The following MAST4 variants were observed in gnomAD, a reference collection of about 807,000 sequenced individuals.
MAST4 encodes the protein microtubule associated serine/threonine kinase family member 4.
Under a neutral mutation model 162.7 loss-of-function variants are expected in MAST4, and 89 were observed. The ratio of observed to expected loss-of-function variants is 0.55; its 90% CI spans 0.46 to 0.65. The LOEUF is 0.65. Among genes scored for constraint, MAST4 ranks in the 30% least tolerant of loss-of-function variants. The probability of loss-of-function intolerance (pLI) is 0.00; values close to 1 mark genes in which losing one functional copy is unlikely to be tolerated. For synonymous variants in MAST4, 1,479 were observed against 1,361.1 expected (o/e 1.09, Z -1.91); for missense variants, 3,153 against 3,374.0 (o/e 0.93, Z 1.62).
At chr5:66,702,665 A>C (rs1749856651) in intron 1 of MAST4, among the ~76,000 whole-genome samples, 1 of 152,150 alleles carries the variant, frequency 6.6e-6, no homozygotes, top group Non-Finnish European at 1.5e-5. Context: ...CTGTGTTTGA[A>C]GATAAAGAGG....
chr5:66,921,761 A>G (rs1306432208), intron 4 of MAST4, among the ~76,000 whole-genome samples: 1 of 152,228 alleles, frequency 6.6e-6, no homozygotes, highest in African/African-American at 2.4e-5. Context: ...CCATCTCAAA[A>G]GAAAAATATG....
intron 1 of MAST4, among the ~76,000 whole-genome samples, chr5:66,661,948 T>C (rs1014784495): frequency 1.3e-5 from 2 of 152,184 alleles, no homozygotes; most frequent in African/African-American, 4.8e-5. Context: ...TAAGCTAATA[T>C]ACTTTTTGGA....
In MAST4 at chr5:66,632,918, A is replaced by T. The variant is rs551515114; in HGVS notation, c.363+35900A>T. Reference sequence around the variant, plus strand: ...TAACAGGTAAAATACACAAATACACATAATATACACACTCATGTAAATTTA... The same window carrying T: ...TAACAGGTAAAATACACAAATACACTTAATATACACACTCATGTAAATTTA... On this transcript the variant is annotated intron_variant, in intron 1 of 28. Transcript: ENST00000403625. Among the ~76,000 whole-genome samples, 3 of 152,364 alleles carry T rather than the reference A, an allele frequency of 2.0e-5. No homozygotes were observed. In the East Asian group the frequency reaches 5.8e-4, roughly 29 times the overall value.
chr5:66,681,447 G>C (rs1039524641), intron 1 of MAST4, among the ~76,000 whole-genome samples: 1 of 152,188 alleles, frequency 6.6e-6, no homozygotes, highest in Non-Finnish European at 1.5e-5. Context: ...GAGAATGCAG[G>C]TTCCTGGGCC....
chr5:67,150,057 T>TA (rs1476220394), intron 24 of MAST4, among the ~76,000 whole-genome samples: 1 of 152,364 alleles, frequency 6.6e-6, no homozygotes, highest in South Asian at 2.1e-4. Context: ...TTTCTGGAGA[T>TA]AGAGTCACAG....
intron 14 of MAST4, among the ~76,000 whole-genome samples, chr5:67,124,973 C>A (rs139927039): frequency 0.02 from 3,079 of 152,224 alleles, 37 homozygotes; most frequent in Non-Finnish European, 0.03. Context: ...TATTGCAGAG[C>A]AGTTATTTAT....
intron 1 of MAST4, among the ~76,000 whole-genome samples, chr5:66,638,277 A>G (rs975647228): frequency 1.9e-4 from 29 of 152,010 alleles, no homozygotes; most frequent in African/African-American, 7.0e-4. Flanking sequence ...GTGTAGGCAA[A>G]ATGCAGACGC....
intron 4 of MAST4, among the ~76,000 whole-genome samples, chr5:67,020,124 G>T (rs1753795938): frequency 1.3e-5 from 2 of 152,190 alleles, no homozygotes; most frequent in Non-Finnish European, 2.9e-5. Flanking sequence ...CCTCTACAGT[G>T]TCTTTTTGCC....
intron 4 of MAST4, among the ~76,000 whole-genome samples, chr5:66,913,775 A>C (rs1763927388): frequency 6.6e-6 from 1 of 152,244 alleles, no homozygotes; most frequent in Non-Finnish European, 1.5e-5. Flanking sequence ...TTTAGATTGT[A>C]CATTTAGGTC....
At chr5:66,761,610 AT>A (rs1753853890) in intron 2 of MAST4, among the ~76,000 whole-genome samples, 1 of 151,740 alleles carries the variant, frequency 6.6e-6, no homozygotes, top group Admixed American at 6.6e-5. Flanking sequence ...TGAAGATGAA[AT>A]TTCTGGGAAC....
intron 5 of MAST4, among the ~76,000 whole-genome samples, chr5:67,078,919 T>TAA (rs1554093910): frequency 3.0e-5 from 2 of 65,874 alleles, no homozygotes; most frequent in East Asian, 3.6e-4. Flanking sequence ...TAAATATATA[T>TAA]ATATATATAT....
At chr5:66,905,043 C>T (rs1206178078) in intron 4 of MAST4, among the ~76,000 whole-genome samples, 6 of 152,098 alleles carry the variant, frequency 3.9e-5, no homozygotes, top group Admixed American at 2.0e-4. Context: ...CAGTGGCTCA[C>T]GCCTGTAATC....
intron 4 of MAST4, among the ~76,000 whole-genome samples, chr5:67,022,580 A>G (rs1395911293): frequency 1.3e-5 from 2 of 152,176 alleles, no homozygotes; most frequent in African/African-American, 2.4e-5. Context: ...AGATACTTTT[A>G]TAGGGGCAAA....
At chr5:66,809,056 C>A (rs1290309914) in intron 3 of MAST4, among the ~76,000 whole-genome samples, 3 of 152,226 alleles carry the variant, frequency 2.0e-5, no homozygotes, top group Non-Finnish European at 4.4e-5. Flanking sequence ...TCATTCCTAA[C>A]TGTTGATTAC....
At position 66,918,763 on chromosome 5, in the gene MAST4, A is replaced by T. The variant is rs959590915; in HGVS notation, c.674+18781A>T. ...CTATGTTTACTTGATTAAGTAGAAA[A>T]AATTATTAGTTTATTCTGTAGCCAA... On this transcript the variant is annotated intron_variant, in intron 4 of 28. Coordinates refer to ENST00000403625, the MANE Select transcript of MAST4 (RefSeq NM_001164664.2). 5.3e-5 allele frequency among the ~76,000 whole-genome samples: 8 copies of T among 152,294 alleles called. No individual in the cohort carries two copies. In the East Asian group the frequency reaches 5.8e-4, roughly 11 times the overall value.
At chr5:66,904,854 A>C (rs951828506) in intron 4 of MAST4, among the ~76,000 whole-genome samples, 6 of 151,960 alleles carry the variant, frequency 3.9e-5, no homozygotes, top group Non-Finnish European at 7.4e-5. Context: ...TTGGGGTAAA[A>C]ATGATCCTGA....
At chr5:66,965,623 G>GA (rs991911347) in intron 4 of MAST4, among the ~76,000 whole-genome samples, 8 of 146,498 alleles carry the variant, frequency 5.5e-5, no homozygotes, top group Non-Finnish European at 7.5e-5. Flanking sequence ...ACCAGACAGA[G>GA]AAAAAAAAAT....
chr5:67,165,396 G>C lies in MAST4; in HGVS notation c.6217G>C (p.Gly2073Arg). ...SAGIPCEKEL[G>R]KVRRGVEPKP... ...TGGAATTCCCTGTGAGAAGGAGCTG[G>C]GCAAGGTGAGGCGTGGCGTGGAACC... Residue 2073 changes from glycine (G) to arginine (R), a missense_variant, in exon 29 of 29, where the codon GGC (glycine) becomes CGC (arginine). Physicochemically the swap from Gly to Arg is moderately radical, Grantham distance 125 (BLOSUM62 -2). Around this residue, in one of 7 missense-constraint regions of MAST4, gnomAD observed 1,644 missense variants for 1,495.0 expected, o/e 1.10. Coordinates refer to ENST00000403625, the MANE Select transcript of MAST4 (RefSeq NM_001164664.2). 1 of 1,613,834 alleles carries C rather than the reference G, an allele frequency of 6.2e-7. No homozygotes were observed. Among genetic ancestry groups the C allele is most frequent in the Non-Finnish European group, 8.5e-7 (1 of 1,179,870 alleles).
chr5:66,930,234 A>G (rs1742036048), intron 4 of MAST4, among the ~76,000 whole-genome samples: 1 of 152,180 alleles, frequency 6.6e-6, no homozygotes, highest in Non-Finnish European at 1.5e-5. Context: ...TTTATCTAAT[A>G]CCATAGATAG....
Sources: allele counts gnomAD v4.1 joint callset (sites outside exome capture counted in the v4.1 genomes callset), GRCh38; gene constraint gnomAD v4.1.1; regional missense constraint gnomAD v4.1.1; transcripts MANE v1.5; gene names NCBI Gene and HGNC (gene_info 2026-07-23, HGNC 2026-07-21).